Variants in SHOC1 observed in about 807,000 individuals in gnomAD.
SHOC1 encodes the protein shortage in chiasmata 1, also known as protein shortage in chiasmata 1 ortholog.
A neutral mutation model predicts 179.2 loss-of-function variants in SHOC1; 136 were observed. The observed-to-expected ratio is 0.76, with a 90% confidence interval of 0.66 to 0.87. The LOEUF is 0.87. Ranked by LOEUF, SHOC1 falls within the 40% of genes least tolerant of loss-of-function variation. The pLI is 0.00. For missense variants in SHOC1, 1,538 were observed against 1,700.8 expected (o/e 0.90, Z 1.68); for synonymous variants, 489 against 586.6 (o/e 0.83, Z 2.41).
chr9:111,696,346 T>A (rs67022034), intron 24 of SHOC1, among the ~76,000 whole-genome samples: 10,042 of 152,262 alleles, frequency 0.066, 477 homozygotes, highest in East Asian at 0.17. Flanking sequence ...GCCATGCTAC[T>A]AAATAAAGTA....
chr9:111,706,722 A>C lies in SHOC1; in HGVS notation c.2583T>G (p.His861Gln). Residue 861 changes from histidine (H) to glutamine (Q), a missense_variant, in exon 20 of 28, where the codon CAT (histidine) becomes CAG (glutamine). Transcript: ENST00000682961. ...LRGTSSCVVV[H>Q]NQYIGADFPW... ...GGAAATCTGCTCCAATATATTGATT[A>C]TGTACAACTACACAGGAACTTGTAC... The C allele has an allele frequency of 6.2e-7, 1 of 1,602,206 alleles. No homozygotes were observed. The highest frequency in any genetic ancestry group is 1.1e-5 in the South Asian group (1 of 88,788).
intron 17 of SHOC1, 44 bp from the exon 18 acceptor site, chr9:111,713,216 T>C (rs779365775): frequency 1.2e-5 from 13 of 1,047,258 alleles, no homozygotes; most frequent in Non-Finnish European, 5.6e-6. Context: ...ATGATTATTC[T>C]TTTTCACAGT....
chr9:111,707,795 T>C, intron 19 of SHOC1, 60 bp downstream of exon 19: 1 of 1,103,294 alleles, frequency 9.1e-7, no homozygotes, highest in Non-Finnish European at 1.3e-6. Context: ...CTAGGAAGAT[T>C]TTGCTTTTCC....
At chr9:111,744,259 A>G (rs1217473453) in intron 10 of SHOC1, among the ~76,000 whole-genome samples, 1 of 152,218 alleles carries the variant, frequency 6.6e-6, no homozygotes, top group Non-Finnish European at 1.5e-5. Context: ...ATGTCCTGCA[A>G]ATAAATATCT....
intron 27 of SHOC1, among the ~76,000 whole-genome samples, 175 bp from the exon 28 acceptor site, chr9:111,687,045 C>T (rs1045073652): frequency 6.0e-5 from 9 of 149,876 alleles, no homozygotes; most frequent in African/African-American, 2.0e-4. Context: ...CTCCTGGGTT[C>T]AAGCGATTCT....
chr9:111,728,307 C>G (rs1011501406), intron 12 of SHOC1, among the ~76,000 whole-genome samples: 2 of 152,116 alleles, frequency 1.3e-5, no homozygotes, highest in Admixed American at 1.3e-4. Flanking sequence ...CCCTTTTGCT[C>G]ATAGGCTTAT....
chr9:111,710,766 T>A (rs936682445), intron 18 of SHOC1, among the ~76,000 whole-genome samples: 2 of 152,110 alleles, frequency 1.3e-5, no homozygotes, highest in Admixed American at 6.5e-5. Flanking sequence ...ATTAATTTTT[T>A]AAAAATGTGT....
chr9:111,707,681 C>T (rs1029397080), intron 19 of SHOC1, among the ~76,000 whole-genome samples, 174 bp downstream of exon 19: 1 of 152,020 alleles, frequency 6.6e-6, no homozygotes, highest in African/African-American at 2.4e-5. Context: ...ATATAATACA[C>T]AGGACAATGA....
intron 24 of SHOC1, among the ~76,000 whole-genome samples, chr9:111,694,976 A>AT (rs1831624884): frequency 6.6e-6 from 1 of 152,114 alleles, no homozygotes; most frequent in Non-Finnish European, 1.5e-5. Flanking sequence ...CTAAAAAATA[A>AT]TTTTTTCCCA....
intron 22 of SHOC1, 99 bp from the exon 23 acceptor site, chr9:111,702,325 T>C (rs1390681971): frequency 1.2e-6 from 1 of 814,784 alleles, no homozygotes; most frequent in Non-Finnish European, 1.9e-6. Context: ...TATAAATAAG[T>C]TGAAAAGAGG....
At position 111,791,361 on chromosome 9, in the gene SHOC1, A is replaced by G; in HGVS notation, c.45+13T>C. On this transcript the variant is annotated intron_variant, in intron 2 of 27. Coordinates refer to ENST00000682961, the MANE Select transcript of SHOC1 (RefSeq NM_001378211.1). ...ATTCTCAGTAAATAGACAGTAAGCC[A>G]CTAACACTCTACCTCATATAAATAG... 7.0e-7 allele frequency: 1 copy of G among 1,425,490 alleles called. No homozygotes were observed. The highest frequency in any genetic ancestry group is 9.3e-7 in the Non-Finnish European group (1 of 1,073,018). 88.3% of individuals were successfully genotyped at this position (1,425,490 alleles called of 1,614,324 possible).
At chr9:111,791,269 A>G (rs1174702011) in intron 2 of SHOC1, 105 bp downstream of exon 2, 7 of 527,976 alleles carry the variant, frequency 1.3e-5, no homozygotes, top group Non-Finnish European at 2.1e-5. Context: ...AATACTTTTG[A>G]TCCTAAGCAT....
chr9:111,744,585 G>A (rs1275845306), intron 10 of SHOC1, among the ~76,000 whole-genome samples: 1 of 152,140 alleles, frequency 6.6e-6, no homozygotes, highest in Non-Finnish European at 1.5e-5. Flanking sequence ...TGGCAGATCA[G>A]CTAATTATAA....
At chr9:111,712,579 C>T (rs774646347) in intron 18 of SHOC1, among the ~76,000 whole-genome samples, 1 of 152,064 alleles carries the variant, frequency 6.6e-6, no homozygotes, top group Non-Finnish European at 1.5e-5. Context: ...ATGGATTCTA[C>T]AGCACCAAGT....
chr9:111,705,268 A>G lies in SHOC1; in HGVS notation c.2834T>C (p.Ile945Thr). ...ASEGLLNTPD[I>T]LQLLESNYNI... ...TTACTTGGATTCTAGCAGCTGAAGT[A>G]TGTCTGGAGTATTAAGAAGTCCTTC... Residue 945 changes from isoleucine to threonine, a missense_variant, in exon 21 of 28, where the codon ATA becomes ACA. Physicochemically the swap from Ile to Thr is moderately conservative, Grantham distance 89 (BLOSUM62 -1). Transcript: ENST00000682961. 1.3e-6 allele frequency: 2 copies of G among 1,555,120 alleles called. No homozygotes were observed. Among genetic ancestry groups the G allele is most frequent in the East Asian group, 2.3e-5 (1 of 43,274 alleles).
chr9:111,793,245 G>GA (rs1418633219), intron 1 of SHOC1, among the ~76,000 whole-genome samples: 2 of 152,112 alleles, frequency 1.3e-5, no homozygotes, highest in African/African-American at 4.8e-5. Flanking sequence ...TGCACTTTCA[G>GA]AAAAAACTGA....
At chr9:111,711,585 G>C (rs1349111066) in intron 18 of SHOC1, among the ~76,000 whole-genome samples, 1 of 152,158 alleles carries the variant, frequency 6.6e-6, no homozygotes, top group Non-Finnish European at 1.5e-5. Context: ...TGTGACAAGA[G>C]CCTGGTTTTT....
At chr9:111,699,357 C>G (rs563023782) in intron 24 of SHOC1, among the ~76,000 whole-genome samples, 1 of 152,122 alleles carries the variant, frequency 6.6e-6, no homozygotes, top group Non-Finnish European at 1.5e-5. Flanking sequence ...TGGATATTCA[C>G]GTGGAGATTC....
chr9:111,693,751 T>A, intron 26 of SHOC1, 48 bp downstream of exon 26: 1 of 1,249,320 alleles, frequency 8.0e-7, no homozygotes. Flanking sequence ...GATACTCAAA[T>A]CGAAAGGAAA....
Sources: gnomAD v4.1 joint callset for allele counts (sites outside exome capture counted in the v4.1 genomes callset) on GRCh38, gnomAD v4.1.1 for gene constraint, MANE v1.5 for transcripts, NCBI Gene and HGNC (gene_info 2026-07-23, HGNC 2026-07-21) for gene names.